Variants in NRCAM observed in about 807,000 individuals in gnomAD.
NRCAM encodes the protein neuronal cell adhesion molecule.
In NRCAM, 83 loss-of-function variants were observed where a neutral mutation model predicts 156.5. The ratio of observed to expected loss-of-function variants is 0.53; its 90% confidence interval spans 0.44 to 0.64. The LOEUF (loss-of-function observed/expected upper bound fraction) is 0.64. NRCAM is among the 30% of genes least tolerant of loss of function. NRCAM has a pLI of 0.00. For synonymous variants in NRCAM, 538 were observed against 563.9 expected, an observed-to-expected ratio of 0.95 and a Z score of 0.65; for missense variants, 1,417 against 1,597.3, an observed-to-expected ratio of 0.89 and a Z score of 1.92.
At chr7:108,376,644 T>C (rs1033174145) in intron 2 of NRCAM, among the ~76,000 whole-genome samples, 1 of 152,256 alleles carries the variant, frequency 6.6e-6, no homozygotes, top group African/African-American at 2.4e-5. Context: ...TTTCCTATTT[T>C]CCTTTTCTAT....
intron 3 of NRCAM, among the ~76,000 whole-genome samples, chr7:108,245,174 C>T (rs2153830956): frequency 6.6e-6 from 1 of 152,154 alleles, no homozygotes; most frequent in South Asian, 2.1e-4. Flanking sequence ...TGTGAAGTAC[C>T]AGATCTAGAG....
At chr7:108,154,487 C>A (rs1196380628) in intron 32 of NRCAM, among the ~76,000 whole-genome samples, 3 of 152,074 alleles carry the variant, frequency 2.0e-5, no homozygotes, top group African/African-American at 7.2e-5. Flanking sequence ...TAATGACCAG[C>A]CAAGAAGGGG....
At chr7:108,350,132 G>C (rs2099401074) in intron 2 of NRCAM, among the ~76,000 whole-genome samples, 1 of 152,138 alleles carries the variant, frequency 6.6e-6, no homozygotes, top group Admixed American at 6.5e-5. Context: ...TCAACATTCA[G>C]GTTTCTGCTC....
chr7:108,182,021 G>T, intron 23 of NRCAM, 84 bp from the exon 24 acceptor site: 2 of 1,029,298 alleles, frequency 1.9e-6, no homozygotes, highest in Non-Finnish European at 3.0e-6. Context: ...AATAATTTTG[G>T]CTTGAAGCAT....
chr7:108,391,290 G>A (rs1327866170), intron 2 of NRCAM, among the ~76,000 whole-genome samples: 3 of 152,104 alleles, frequency 2.0e-5, no homozygotes, highest in East Asian at 3.9e-4. Flanking sequence ...AGGATAGTTA[G>A]CTCTTCTTGT....
chr7:108,232,738 AC>A (rs2094476970), intron 6 of NRCAM, among the ~76,000 whole-genome samples: 1 of 152,138 alleles, frequency 6.6e-6, no homozygotes, highest in South Asian at 2.1e-4. Flanking sequence ...CTTCTTTAGA[AC>A]TAGCCCAAAT....
At chr7:108,344,893 A>C (rs1194740364) in intron 2 of NRCAM, among the ~76,000 whole-genome samples, 1 of 152,204 alleles carries the variant, frequency 6.6e-6, no homozygotes, top group African/African-American at 2.4e-5. Flanking sequence ...TTTAGAAATT[A>C]GGGCATCATT....
chr7:108,176,794 G>GTATCA (rs536701645), intron 26 of NRCAM, 188 bp from the exon 27 acceptor site: 92 of 533,314 alleles, frequency 1.7e-4, no homozygotes, highest in African/African-American at 5.0e-4. Context: ...CTATCATATC[G>GTATCA]TATCATATCA....
At chr7:108,250,828 T>C (rs1326694677) in intron 3 of NRCAM, among the ~76,000 whole-genome samples, 1 of 152,164 alleles carries the variant, frequency 6.6e-6, no homozygotes, top group African/African-American at 2.4e-5. Context: ...GATGTGATTA[T>C]TACGCATTGG....
chr7:108,230,782 T>A (rs1014499805), intron 8 of NRCAM, among the ~76,000 whole-genome samples: 1 of 152,104 alleles, frequency 6.6e-6, no homozygotes, highest in African/African-American at 2.4e-5. Flanking sequence ...AATGTACTTA[T>A]TGCATTTATC....
chr7:108,276,379 T>C (rs2097611322), intron 3 of NRCAM, among the ~76,000 whole-genome samples: 1 of 152,236 alleles, frequency 6.6e-6, no homozygotes, highest in Non-Finnish European at 1.5e-5. Flanking sequence ...AGTCTCTTTG[T>C]AGGTCTTTAA....
intron 1 of NRCAM, among the ~76,000 whole-genome samples, chr7:108,422,024 T>C (rs1358998858): frequency 6.6e-6 from 1 of 152,194 alleles, no homozygotes; most frequent in Non-Finnish European, 1.5e-5. Flanking sequence ...AAAACAGGTC[T>C]ATTGGAAGTG....
At chr7:108,445,588 T>A (rs1563843231) in intron 1 of NRCAM, among the ~76,000 whole-genome samples, 1 of 152,166 alleles carries the variant, frequency 6.6e-6, no homozygotes, top group Non-Finnish European at 1.5e-5. Context: ...TTTGTTACAG[T>A]CACATACCCC....
chr7:108,455,478 G>T (rs115016494), intron 1 of NRCAM, among the ~76,000 whole-genome samples: 150 of 152,080 alleles, frequency 9.9e-4, no homozygotes, highest in African/African-American at 3.5e-3. Context: ...CGGTGCGCCG[G>T]CCCCGACAAG....
chr7:108,183,247 T>C (rs1450847759), intron 22 of NRCAM, among the ~76,000 whole-genome samples: 1 of 152,110 alleles, frequency 6.6e-6, no homozygotes, highest in East Asian at 1.9e-4. Context: ...TATATTCCTG[T>C]TTGTGCAATA....
chr7:108,389,698 T>G (rs1293028398), intron 2 of NRCAM, among the ~76,000 whole-genome samples: 1 of 152,228 alleles, frequency 6.6e-6, no homozygotes, highest in Non-Finnish European at 1.5e-5. Context: ...GGGTTTGTCA[T>G]AAATAGCTCT....
At chr7:108,269,854 T>C (rs1311362027) in intron 3 of NRCAM, among the ~76,000 whole-genome samples, 2 of 152,222 alleles carry the variant, frequency 1.3e-5, no homozygotes, top group African/African-American at 4.8e-5. Context: ...TTATCACTTT[T>C]AGGAGTAGCA....
In NRCAM at chr7:108,238,143, C is replaced by T. The variant is rs189402477; in HGVS notation, c.107-374G>A. Among the ~76,000 whole-genome samples, 137 of 152,290 alleles carry T rather than the reference C, an allele frequency of 9.0e-4. 1 individual carries two copies. The highest frequency in any genetic ancestry group is 5.9e-5 in the Non-Finnish European group (4 of 68,022). ...TACAATTAATTTGAGTTGTCACATA[C>T]TGTGTAGTGTCTGGTCATATTATCC... On this transcript the variant is annotated intron_variant, in intron 4 of 32. Coordinates refer to ENST00000379028, the MANE Select transcript of NRCAM (RefSeq NM_001037132.4).
At chr7:108,196,769 T>C (rs1369200515) in intron 14 of NRCAM, among the ~76,000 whole-genome samples, 2 of 152,184 alleles carry the variant, frequency 1.3e-5, no homozygotes, top group African/African-American at 2.4e-5. Flanking sequence ...GAAAATACTA[T>C]AAAGATTATT....
Sources: gnomAD v4.1 joint callset for allele counts (sites outside exome capture counted in the v4.1 genomes callset) on GRCh38, gnomAD v4.1.1 for gene constraint, MANE v1.5 for transcripts, NCBI Gene and HGNC (gene_info 2026-07-23, HGNC 2026-07-21) for gene names.